Variants in SLC8A1 observed in about 807,000 individuals in gnomAD.
The protein encoded by SLC8A1 is solute carrier family 8 member A1, also known as sodium/calcium exchanger 1.
Under a neutral mutation model 68.3 loss-of-function variants are expected in SLC8A1, and 18 were observed. The ratio of observed to expected loss-of-function variants is 0.26; its 90% CI spans 0.18 to 0.39. SLC8A1 has a LOEUF of 0.39. SLC8A1 is among the 10% of genes least tolerant of loss of function. The probability of loss-of-function intolerance (pLI) is 1.00; values close to 1 mark genes in which losing one functional copy is unlikely to be tolerated. For missense variants in SLC8A1, 985 were observed against 1,156.7 expected (o/e 0.85, Z 2.15); for synonymous variants, 475 against 415.5 (o/e 1.14, Z -1.74).
chr2:40,428,338 G>C (rs1697403425), intron 2 of SLC8A1, 135 bp downstream of exon 2: 1 of 1,369,632 alleles, frequency 7.3e-7, no homozygotes, highest in Non-Finnish European at 9.4e-7. Context: ...TCTTGAAAGG[G>C]ATCTTGTATA....
chr2:40,454,804 G>A (rs1164904951), upstream of SLC8A1, among the ~76,000 whole-genome samples: 1 of 152,158 alleles, frequency 6.6e-6, no homozygotes, highest in Non-Finnish European at 1.5e-5. Context: ...TCATACATGA[G>A]TGAGTTTTTA....
At chr2:40,451,631 A>ACTGG (rs1228743861) in intron 1 of SLC8A1, among the ~76,000 whole-genome samples, 1 of 151,950 alleles carries the variant, frequency 6.6e-6, no homozygotes, top group Non-Finnish European at 1.5e-5. Context: ...GGCAGCCTGC[A>ACTGG]CTGGCAGGCA....
intron 2 of SLC8A1, among the ~76,000 whole-genome samples, chr2:40,388,758 A>G (rs1684388880): frequency 6.6e-6 from 1 of 152,180 alleles, no homozygotes; most frequent in African/African-American, 2.4e-5. Flanking sequence ...ACTCTAAAAC[A>G]TTCTGTTAAT....
chr2:40,241,056 C>T (rs1471465939), intron 2 of SLC8A1, among the ~76,000 whole-genome samples: 1 of 152,166 alleles, frequency 6.6e-6, no homozygotes, highest in Non-Finnish European at 1.5e-5. Flanking sequence ...CTTGCACGTT[C>T]ATCACTATGC....
At chr2:40,333,804 C>G (rs1306429711) in intron 2 of SLC8A1, among the ~76,000 whole-genome samples, 1 of 152,128 alleles carries the variant, frequency 6.6e-6, no homozygotes, top group Non-Finnish European at 1.5e-5. Flanking sequence ...AATCCCAGCA[C>G]TTTGGGAGCT....
chr2:40,153,905 C>T (rs574978422), intron 6 of SLC8A1, among the ~76,000 whole-genome samples: 12 of 152,308 alleles, frequency 7.9e-5, no homozygotes, highest in East Asian at 7.7e-4. Context: ...ATTTCCAAAC[C>T]CTTACCTTCC....
intron 2 of SLC8A1, chr2:40,254,761 T>G (rs2063608950): frequency 6.6e-6 from 1 of 152,208 alleles, no homozygotes; most frequent in African/African-American, 2.4e-5. Context: ...TGCCAGCATA[T>G]TGGTTTCTGT....
chr2:40,210,315 ATAC>A (rs2056354065), intron 2 of SLC8A1, among the ~76,000 whole-genome samples: 1 of 152,174 alleles, frequency 6.6e-6, no homozygotes, highest in Non-Finnish European at 1.5e-5. Context: ...CAGGAAGAAG[ATAC>A]CTGCTGGCTG....
intron 2 of SLC8A1, among the ~76,000 whole-genome samples, chr2:40,325,278 T>G (rs917844008): frequency 5.3e-5 from 8 of 152,168 alleles, no homozygotes; most frequent in African/African-American, 1.7e-4. Flanking sequence ...ATGAAAATAC[T>G]TGACCTTTTG....
chr2:40,279,483 A>G (rs755256528), intron 2 of SLC8A1, among the ~76,000 whole-genome samples: 5 of 152,176 alleles, frequency 3.3e-5, no homozygotes, highest in African/African-American at 4.8e-5. Context: ...AATAATATCA[A>G]TTTGGGGCAC....
chr2:40,189,014 G>C (rs1034879671), intron 2 of SLC8A1, among the ~76,000 whole-genome samples: 1 of 152,130 alleles, frequency 6.6e-6, no homozygotes, highest in African/African-American at 2.4e-5. Context: ...AAGAGAATAG[G>C]ACCTTAGGTA....
At chr2:40,155,066 C>T (rs1461130263) in intron 6 of SLC8A1, among the ~76,000 whole-genome samples, 1 of 152,140 alleles carries the variant, frequency 6.6e-6, no homozygotes, top group African/African-American at 2.4e-5. Context: ...ACACCCTCCT[C>T]CTTTTTTTGG....
intron 2 of SLC8A1, among the ~76,000 whole-genome samples, chr2:40,323,165 G>A (rs1373033972): frequency 6.6e-6 from 1 of 152,108 alleles, no homozygotes; most frequent in African/African-American, 2.4e-5. Flanking sequence ...AGCTTCCAGT[G>A]TCTTTATCAT....
chr2:40,277,214 G>GC (rs1447936212), intron 2 of SLC8A1, among the ~76,000 whole-genome samples: 1 of 151,154 alleles, frequency 6.6e-6, no homozygotes, highest in African/African-American at 2.4e-5. Context: ...CAAGTTACTT[G>GC]CCCTCTCTAT....
chr2:40,420,718 G>T (rs953588226), intron 2 of SLC8A1, among the ~76,000 whole-genome samples: 1 of 152,120 alleles, frequency 6.6e-6, no homozygotes, highest in Non-Finnish European at 1.5e-5. Context: ...ATAAATGACT[G>T]CTCTAGTTTC....
intron 2 of SLC8A1, among the ~76,000 whole-genome samples, chr2:40,335,361 G>C (rs1307987642): frequency 6.6e-6 from 1 of 152,100 alleles, no homozygotes; most frequent in Non-Finnish European, 1.5e-5. Context: ...ACCATATATT[G>C]ATGTATTTCA....
intron 2 of SLC8A1, among the ~76,000 whole-genome samples, chr2:40,384,409 T>C (rs1469191803): frequency 1.3e-5 from 2 of 152,092 alleles, no homozygotes; most frequent in African/African-American, 4.8e-5. Context: ...TGAGACAGTC[T>C]CAAGCAGAAC....
chr2:40,265,862 A>G (rs1466862511), intron 2 of SLC8A1, among the ~76,000 whole-genome samples: 1 of 152,186 alleles, frequency 6.6e-6, no homozygotes, highest in Non-Finnish European at 1.5e-5. Context: ...CATAAAGAAA[A>G]AAAAAATCTA....
chr2:40,117,418 A>T lies in SLC8A1; in HGVS notation c.2438-1789T>A, dbSNP rs1330438089. Among the ~76,000 whole-genome samples the T allele has an allele frequency of 4.7e-5, 5 of 105,570 alleles. 1 individual carries two copies. The highest frequency in any genetic ancestry group is 3.6e-4 in the South Asian group (1 of 2,774). 69.3% of individuals were successfully genotyped at this position (105,570 alleles called of 152,430 possible). ...AAAAAAAAAAAAAAAAAAAAAAAAA[A>T]GCCAGGCGTGGTGGTACACACCTGT... On this transcript the variant is annotated intron_variant, in intron 7 of 7. Coordinates refer to ENST00000406785, the Ensembl canonical transcript of SLC8A1.
Sources: gnomAD v4.1 joint callset for allele counts (sites outside exome capture counted in the v4.1 genomes callset) on GRCh38, gnomAD v4.1.1 for gene constraint, MANE v1.5 for transcripts, NCBI Gene and HGNC (gene_info 2026-07-23, HGNC 2026-07-21) for gene names.